PSTPIP2: variants seen among roughly 807,000 people sequenced by gnomAD.
PSTPIP2 encodes proline-serine-threonine phosphatase interacting protein 2, also known as proline-serine-threonine phosphatase-interacting protein 2.
A neutral mutation model predicts 63.3 loss-of-function variants in PSTPIP2; 33 were observed. That is an observed-to-expected ratio of 0.52 (90% confidence interval 0.40 to 0.70). The LOEUF is 0.70. Among genes scored for constraint, PSTPIP2 ranks in the 30% least tolerant of loss-of-function variants. The pLI is 0.00. For missense variants in PSTPIP2, 312 were observed against 400.7 expected (o/e 0.78, Z 1.89); for synonymous variants, 125 against 132.7 (o/e 0.94, Z 0.40).
intron 10 of PSTPIP2, among the ~76,000 whole-genome samples, chr18:45,992,958 A>G (rs1464509336): frequency 6.6e-6 from 1 of 150,794 alleles, no homozygotes; most frequent in Non-Finnish European, 1.5e-5. Context: ...ACTCCTGACC[A>G]CAGGCAATCC....
intron 6 of PSTPIP2, among the ~76,000 whole-genome samples, chr18:46,002,830 G>C (rs1383600492): frequency 6.6e-6 from 1 of 152,190 alleles, no homozygotes; most frequent in Non-Finnish European, 1.5e-5. Context: ...TGAATATTTT[G>C]ATAGTGGATG....
intron 3 of PSTPIP2, among the ~76,000 whole-genome samples, chr18:46,022,302 A>C (rs1286656179): frequency 7.6e-6 from 1 of 132,164 alleles, no homozygotes; most frequent in Admixed American, 7.8e-5. Context: ...TGTGTGTTGC[A>C]TGTGTGCTTG....
In PSTPIP2 at chr18:46,027,596, A is replaced by G. The variant is rs148848741; in HGVS notation, c.135-2910T>C. Reference sequence around the variant, plus strand: ...TCCCTGCTACTCAGGAGGCGGAGGTAGGAGGATCACTTGAGCCTGGGAGTT... The same window carrying G: ...TCCCTGCTACTCAGGAGGCGGAGGTGGGAGGATCACTTGAGCCTGGGAGTT... On this transcript the variant is annotated intron_variant, in intron 2 of 14. Coordinates refer to ENST00000409746, the MANE Select transcript of PSTPIP2 (RefSeq NM_024430.4). Among the ~76,000 whole-genome samples, 900 of 152,120 alleles carry G rather than the reference A, an allele frequency of 5.9e-3. 13 individuals carry two copies. Among genetic ancestry groups the G allele is most frequent in the Admixed American group, 0.03 (461 of 15,274 alleles).
chr18:46,064,621 G>C (rs1909117246), intron 1 of PSTPIP2, among the ~76,000 whole-genome samples: 1 of 151,864 alleles, frequency 6.6e-6, no homozygotes, highest in African/African-American at 2.4e-5. Context: ...TTTCTTAATG[G>C]AGTAGAGGCA....
intron 2 of PSTPIP2, among the ~76,000 whole-genome samples, chr18:46,036,655 G>A (rs1021027126): frequency 2.0e-5 from 3 of 152,180 alleles, no homozygotes; most frequent in East Asian, 1.9e-4. Context: ...AACCCCACAT[G>A]AGGGCAGATG....
chr18:46,008,947 C>A (rs1260779470), intron 5 of PSTPIP2, among the ~76,000 whole-genome samples: 1 of 152,114 alleles, frequency 6.6e-6, no homozygotes, highest in East Asian at 1.9e-4. Flanking sequence ...GCATCAATGT[C>A]CTTCTTTTGG....
chr18:46,028,296 G>C (rs1003815469), intron 2 of PSTPIP2: 1 of 457,776 alleles, frequency 2.2e-6, no homozygotes, highest in Non-Finnish European at 4.3e-6. Context: ...CGAAGCGTTA[G>C]CCCGGAACGA....
intron 1 of PSTPIP2, among the ~76,000 whole-genome samples, chr18:46,060,249 T>G (rs1215215912): frequency 6.6e-6 from 1 of 152,218 alleles, no homozygotes; most frequent in South Asian, 2.1e-4. Context: ...GGTATTTCAC[T>G]GCAATTCCTT....
intron 5 of PSTPIP2, among the ~76,000 whole-genome samples, chr18:46,009,739 T>C (rs1361321616): frequency 6.6e-6 from 1 of 152,204 alleles, no homozygotes; most frequent in Non-Finnish European, 1.5e-5. Context: ...GAAATGATTC[T>C]CCTCTCCTCT....
In PSTPIP2 at chr18:46,017,791, T is replaced by C. The variant is rs1298495897; in HGVS notation, c.213-1854A>G. Among the ~76,000 whole-genome samples the C allele has an allele frequency of 2.0e-5, 3 of 152,158 alleles. No individual in the cohort carries two copies. The East Asian group carries it at 5.8e-4, about 29-fold the overall frequency. ...ATGAGAACACTTAAAATCTACTCTC[T>C]TAGTGGTTTTCAAGAATATAATACA... On this transcript the variant is annotated intron_variant, in intron 3 of 14. Transcript: ENST00000409746.
chr18:45,994,177 T>C (rs569613914), intron 9 of PSTPIP2, among the ~76,000 whole-genome samples: 1 of 152,088 alleles, frequency 6.6e-6, no homozygotes, highest in Admixed American at 6.5e-5. Flanking sequence ...TGTTTTTCCT[T>C]AAAAAAAGGG....
At chr18:46,008,697 A>G (rs948963171) in intron 5 of PSTPIP2, among the ~76,000 whole-genome samples, 1 of 151,514 alleles carries the variant, frequency 6.6e-6, no homozygotes, top group African/African-American at 2.4e-5. Context: ...GCAGCACGAA[A>G]CTCTCCCATG....
intron 1 of PSTPIP2, among the ~76,000 whole-genome samples, chr18:46,067,667 C>T (rs892480469): frequency 1.3e-5 from 2 of 152,168 alleles, no homozygotes; most frequent in Admixed American, 1.3e-4. Context: ...CAATCCCAGG[C>T]TGCAGACTGC....
chr18:46,023,537 C>A (rs927456319), intron 3 of PSTPIP2, among the ~76,000 whole-genome samples: 2 of 150,592 alleles, frequency 1.3e-5, no homozygotes, highest in African/African-American at 4.9e-5. Context: ...CCAGCCTGGG[C>A]AACAAGAGCA....
Position 45,992,154 on chromosome 18 carries a change from C to T in PSTPIP2, c.790G>A (p.Asp264Asn). ...CGTTGATTCACAAAGTATTCAATGT[C>T]CCTCTGAATGCTGCACATTTCTAAA... ...KSLEMCSIQR[D>N]IEYFVNQRKT... Residue 264 changes from aspartate to asparagine, a missense_variant, in exon 11 of 15, where the codon GAC becomes AAC. Asp to Asn is a conservative substitution (Grantham distance 23, BLOSUM62 1). Transcript: ENST00000409746. The T allele has an allele frequency of 6.2e-7, 1 of 1,607,974 alleles. No individual in the cohort carries two copies. The highest frequency in any genetic ancestry group is 8.5e-7 in the Non-Finnish European group (1 of 1,176,954).
rs1308030477 is a variant in PSTPIP2, at chr18:45,993,720, A to T, written c.643-17T>A. The T allele has an allele frequency of 1.2e-6, 2 of 1,600,710 alleles. No homozygotes were observed. The highest frequency in any genetic ancestry group is 1.7e-6 in the Non-Finnish European group (2 of 1,168,056). ...CTCAAATGCCTACAGAAAAATAGCT[A>T]CGTGTACATAGATATGCAAGGAAAA... On this transcript the variant is annotated splice_polypyrimidine_tract_variant and intron_variant, in intron 9 of 14. Coordinates refer to ENST00000409746, the MANE Select transcript of PSTPIP2 (RefSeq NM_024430.4).
chr18:46,000,032 G>A (rs1450251627), intron 6 of PSTPIP2, among the ~76,000 whole-genome samples: 1 of 152,132 alleles, frequency 6.6e-6, no homozygotes, highest in Non-Finnish European at 1.5e-5. Context: ...CCAGCTACTT[G>A]GGAGGCTGAG....
intron 4 of PSTPIP2, among the ~76,000 whole-genome samples, chr18:46,011,799 C>T (rs1285811087): frequency 6.6e-6 from 1 of 152,124 alleles, no homozygotes; most frequent in Non-Finnish European, 1.5e-5. Flanking sequence ...AGGAGTATGG[C>T]CTGCCTTTGT....
In PSTPIP2 at chr18:45,997,755, G is replaced by C. The variant is rs182087986; in HGVS notation, c.636C>G (p.Ala212=). The C allele has an allele frequency of 1.0e-5, 15 of 1,497,314 alleles. No individual in the cohort carries two copies. The highest frequency in any genetic ancestry group is 7.6e-5 in the Admixed American group (4 of 52,542). 92.8% of individuals were successfully genotyped at this position (1,497,314 alleles called of 1,614,324 possible). A position where few individuals can be genotyped will look rare whatever the true frequency, so the allele number is the denominator to read the frequency against. Residue 212 remains alanine, a synonymous_variant, in exon 9 of 15, where the codon GCC becomes GCG. Transcript: ENST00000409746. The part of the protein sequence containing the change: ...REEWQSEHIK[A]CEAFEAQECE... ...AGCTTCCGGTTACGGGTACCTCGCA[G>C]GCCTTGATGTGCTCACTCTGCCACT... is the stretch of plus-strand genomic sequence containing the variant.
Sources: gnomAD v4.1 joint callset for allele counts (sites outside exome capture counted in the v4.1 genomes callset) on GRCh38, gnomAD v4.1.1 for gene constraint, MANE v1.5 for transcripts, NCBI Gene and HGNC (gene_info 2026-07-23, HGNC 2026-07-21) for gene names.